The following COL5A2 variants were observed in gnomAD, a reference collection of about 807,000 sequenced individuals.
The protein encoded by COL5A2 is collagen alpha-2(V) chain.
COL5A2 carries 23 observed loss-of-function variants against 208.2 expected under a neutral mutation model. The ratio of observed to expected loss-of-function variants is 0.11; its 90% CI spans 0.08 to 0.16. The LOEUF is 0.16. Among genes scored for constraint, COL5A2 ranks in the 10% least tolerant of loss-of-function variants. The pLI is 1.00. For synonymous variants in COL5A2, 625 were observed against 628.5 expected, an observed-to-expected ratio of 0.99 and a Z score of 0.08; for missense variants, 1,590 against 1,956.4, an observed-to-expected ratio of 0.81 and a Z score of 3.53.
At chr2:189,078,411 G>A in intron 16 of COL5A2, 105 bp downstream of exon 16, 1 of 862,958 alleles carries the variant, frequency 1.2e-6, no homozygotes, top group South Asian at 1.4e-5. Context: ...AAAAAAAGGT[G>A]ACCAGTACTA....
the COL5A2 span, among the ~76,000 whole-genome samples, chr2:189,384,074 C>A: frequency 2.6e-5 from 4 of 152,004 alleles, no homozygotes; most frequent in South Asian, 2.1e-4. Context: ...CATGTTTTTG[C>A]AAATGACAGG....
chr2:189,374,196 T>C, the COL5A2 span, among the ~76,000 whole-genome samples: 118 of 152,274 alleles, frequency 7.7e-4, no homozygotes, highest in African/African-American at 2.8e-3. Context: ...TGACACATAG[T>C]GCATGAGTGA....
the COL5A2 span, among the ~76,000 whole-genome samples, chr2:189,438,234 A>T: frequency 3.3e-5 from 5 of 151,868 alleles, no homozygotes. Context: ...ACAAGGGTGT[A>T]AAGTAACTAA....
At chr2:189,058,571 A>G (rs1321872546) in intron 32 of COL5A2, 44 bp from the exon 33 acceptor site, 1 of 1,514,818 alleles carries the variant, frequency 6.6e-7, no homozygotes, top group South Asian at 1.1e-5. Flanking sequence ...TACTTGATCT[A>G]AAAATAGGTC....
At chr2:189,273,318 C>A in the COL5A2 span, among the ~76,000 whole-genome samples, 5 of 151,708 alleles carry the variant, frequency 3.3e-5, no homozygotes, top group Non-Finnish European at 2.9e-5. Context: ...CACTTCACAC[C>A]TATTAGAATA....
the COL5A2 span, among the ~76,000 whole-genome samples, chr2:189,340,556 G>A: frequency 6.6e-6 from 1 of 152,132 alleles, no homozygotes; most frequent in Non-Finnish European, 1.5e-5. Flanking sequence ...AGAATGGTGA[G>A]CTCTTTTTAA....
At chr2:189,410,446 G>C in the COL5A2 span, among the ~76,000 whole-genome samples, 1 of 152,134 alleles carries the variant, frequency 6.6e-6, no homozygotes, top group South Asian at 2.1e-4. Context: ...CATACCTGCA[G>C]TCCTAGCTGC....
chr2:189,373,328 T>G, the COL5A2 span, among the ~76,000 whole-genome samples: 2 of 152,294 alleles, frequency 1.3e-5, no homozygotes, highest in South Asian at 2.1e-4. Context: ...CAACAAATAT[T>G]TATTGATCAT....
chr2:189,208,577 GA>G (rs576532603), intron 1 of COL5A2, among the ~76,000 whole-genome samples: 172 of 152,304 alleles, frequency 1.1e-3, no homozygotes, highest in Non-Finnish European at 1.5e-3. Flanking sequence ...TAGGAGGCAG[GA>G]TAAGGGCAGT....
At position 189,210,990 on chromosome 2, in the gene COL5A2, G is replaced by A. The variant is rs75118903; in HGVS notation, c.-42+14158C>T. On this transcript the variant is annotated intron_variant, in intron 1 of 10. Transcript: ENST00000649966. Reference sequence around the variant, plus strand: ...GTAGCTGCTAATACTGCCCTTTATCGCCATTAGCAATTAGAGATTTATAAC... The same window carrying A: ...GTAGCTGCTAATACTGCCCTTTATCACCATTAGCAATTAGAGATTTATAAC... Among the ~76,000 whole-genome samples, 806 of 152,014 alleles carry A rather than the reference G, an allele frequency of 5.3e-3. 3 individuals are homozygous for A. Among genetic ancestry groups the A allele is most frequent in the Non-Finnish European group, 9.4e-3 (641 of 67,984 alleles).
At chr2:189,214,810 G>C (rs944025333) in intron 1 of COL5A2, among the ~76,000 whole-genome samples, 15 of 151,986 alleles carry the variant, frequency 9.9e-5, no homozygotes, top group African/African-American at 2.7e-4. Context: ...TTCTGCAAAA[G>C]GTACTTGTTT....
chr2:189,068,791 G>A lies in COL5A2; in HGVS notation c.1252C>T (p.Leu418Phe). 1 of 1,610,896 alleles carries A rather than the reference G, an allele frequency of 6.2e-7. No individual in the cohort carries two copies. The highest frequency in any genetic ancestry group is 8.5e-7 in the Non-Finnish European group (1 of 1,177,540). ...GPPGPVGSPG[L>F]PGAIGTDGTP... ...TAAATATGCTAGAAACTTACAGGAAGACCTGGAGAGCCAACTGGACCTGGG... is the reference window on the plus strand; with the variant it reads ...TAAATATGCTAGAAACTTACAGGAAAACCTGGAGAGCCAACTGGACCTGGG... The change falls in exon 19 of 54, where the codon CTT (leucine) becomes TTT (phenylalanine). Residue 418 changes from leucine to phenylalanine, a missense_variant. Coordinates refer to ENST00000374866, the MANE Select transcript of COL5A2 (RefSeq NM_000393.5).
the COL5A2 span, among the ~76,000 whole-genome samples, chr2:189,380,560 G>C: frequency 6.6e-6 from 1 of 151,308 alleles, no homozygotes; most frequent in African/African-American, 2.4e-5. Context: ...AAAACCTCTA[G>C]TACAAATAAG....
At chr2:189,069,326 A>T (rs1319539627) in intron 18 of COL5A2, among the ~76,000 whole-genome samples, 1 of 152,212 alleles carries the variant, frequency 6.6e-6, no homozygotes, top group African/African-American at 2.4e-5. Flanking sequence ...GATAGTCTTA[A>T]ATATCTTTTA....
the COL5A2 span, among the ~76,000 whole-genome samples, chr2:189,317,715 A>T: frequency 3.7e-4 from 57 of 152,344 alleles, no homozygotes; most frequent in Admixed American, 1.4e-3. Context: ...AAGAGTAGTT[A>T]ATCTAAAAGT....
chr2:189,151,339 A>C (rs1688137828), intron 1 of COL5A2, among the ~76,000 whole-genome samples: 1 of 152,182 alleles, frequency 6.6e-6, no homozygotes, highest in Admixed American at 6.5e-5. Context: ...TAAATTGTTT[A>C]TGTTTTATAT....
At chr2:189,192,170 C>A (rs1311650349) in intron 1 of COL5A2, among the ~76,000 whole-genome samples, 1 of 152,074 alleles carries the variant, frequency 6.6e-6, no homozygotes, top group Non-Finnish European at 1.5e-5. Flanking sequence ...GAGGGTTAAC[C>A]AGATCTGTAA....
chr2:189,160,827 CCTTT>C (rs1688347402), intron 1 of COL5A2, among the ~76,000 whole-genome samples: 2 of 146,588 alleles, frequency 1.4e-5, no homozygotes, highest in Non-Finnish European at 3.0e-5. Flanking sequence ...TTTTCTTTTT[CCTTT>C]TTTTTTTTTT....
At chr2:189,335,572 GATGA>G in the COL5A2 span, among the ~76,000 whole-genome samples, 1 of 152,074 alleles carries the variant, frequency 6.6e-6, no homozygotes, top group East Asian at 1.9e-4. Context: ...CCTATCAATT[GATGA>G]ATGAATTTTA....
Sources: gnomAD v4.1 joint callset for allele counts (sites outside exome capture counted in the v4.1 genomes callset) on GRCh38, gnomAD v4.1.1 for gene constraint, MANE v1.5 for transcripts, NCBI Gene and HGNC (gene_info 2026-07-23, HGNC 2026-07-21) for gene names.